The following ZNF629 variants were observed in gnomAD, a reference collection of about 807,000 sequenced individuals.
ZNF629 encodes the protein zinc finger protein 629.
ZNF629 carries 9 observed loss-of-function variants against 59.7 expected under a neutral mutation model. The observed-to-expected ratio is 0.15, with a 90% CI of 0.09 to 0.26. The LOEUF is 0.26. Among genes scored for constraint, ZNF629 ranks in the 10% least tolerant of loss-of-function variants. The probability of loss-of-function intolerance (pLI) is 1.00; values close to 1 mark genes in which losing one functional copy is unlikely to be tolerated. For synonymous variants in ZNF629, 509 were observed against 498.9 expected (o/e 1.02, Z -0.27); for missense variants, 853 against 1,165.4 (o/e 0.73, Z 3.90).
At position 30,782,552 on chromosome 16, in the gene ZNF629, G is replaced by A. The variant is rs2054292776; in HGVS notation, c.1776C>T (p.Ile592=). The A allele has an allele frequency of 1.9e-6, 3 of 1,560,202 alleles. No homozygotes were observed. The highest frequency in any genetic ancestry group is 2.6e-6 in the Non-Finnish European group (3 of 1,151,366). Residue 592 remains isoleucine, a synonymous_variant, in exon 3 of 3, where the codon ATC becomes ATT. Transcript: ENST00000262525. ...CTGCATTTTTGTAGGGGTTTTCTCC[G>A]ATGTGGATCCTCTGATGTTGCATGA... ...GIFMQHQRIH[I]GENPYKNADG...
chr16:30,785,859 A>AAAATAAAT (rs55733443), intron 1 of ZNF629, among the ~76,000 whole-genome samples: 45,677 of 139,944 alleles, frequency 0.33, 8,057 homozygotes, highest in South Asian at 0.57. Context: ...GCCCCCTGGT[A>AAAATAAAT]AAATAAATAA....
rs1463378402 is a variant in ZNF629 at position 30,779,689 on chromosome 16, A to G, written c.*2029T>C. 1.3e-5 allele frequency: 2 copies of G among 152,224 alleles called. No individual in the cohort carries two copies. The highest frequency in any genetic ancestry group is 2.9e-5 in the Non-Finnish European group (2 of 68,034). 9.4% of individuals were successfully genotyped at this position (152,224 alleles called of 1,614,324 possible). Reference sequence around the variant, plus strand: ...GGTCATCCTGCTGGGGCCAGGATAGACAAATGGCGAAGGATTTGCATAAAG... The same window carrying G: ...GGTCATCCTGCTGGGGCCAGGATAGGCAAATGGCGAAGGATTTGCATAAAG... On this transcript the variant is annotated 3_prime_UTR_variant, in exon 3 of 3. Coordinates refer to ENST00000262525, the MANE Select transcript of ZNF629 (RefSeq NM_001080417.3).
In ZNF629 at chr16:30,783,609, T is replaced by G; in HGVS notation, c.719A>C (p.Glu240Ala). 6.2e-7 allele frequency: 1 copy of G among 1,606,154 alleles called. No individual in the cohort carries two copies. The highest frequency in any genetic ancestry group is 8.5e-7 in the Non-Finnish European group (1 of 1,177,212). ...GEKPYKCTEC[E>A]KAFTQSTNLI... is the part of the protein sequence containing the mutation. ...GTTGGTGCTCTGGGTGAAGGCTTTCTCGCACTCCGTGCACTTGTAGGGCTT... is the reference window on the plus strand; with the variant it reads ...GTTGGTGCTCTGGGTGAAGGCTTTCGCGCACTCCGTGCACTTGTAGGGCTT... The change falls in exon 3 of 3, where the codon GAG (glutamate) becomes GCG (alanine). Residue 240 changes from glutamate (E) to alanine (A), a missense_variant. Coordinates refer to ENST00000262525, the MANE Select transcript of ZNF629 (RefSeq NM_001080417.3).
In ZNF629 at chr16:30,782,483, T is replaced by G; in HGVS notation, c.1845A>C (p.Arg615=). 6.4e-7 allele frequency: 1 copy of G among 1,567,278 alleles called. No homozygotes were observed. Among genetic ancestry groups the G allele is most frequent in the South Asian group, 1.2e-5 (1 of 85,430 alleles). ...TCCCTCTGAAAGGGAGCCTTGGGGA[T>G]CGTAACTGAGGAGGTTTGGGGGCTG... ...AHAAPKPPQL[R]SPRLPFRGNS... Residue 615 remains arginine, a synonymous_variant, in exon 3 of 3, where the codon CGA becomes CGC. Transcript: ENST00000262525.
In ZNF629 at chr16:30,783,703, G is replaced by T. The variant is rs200904601; in HGVS notation, c.625C>A (p.Pro209Thr). 7 of 1,609,686 alleles carry T rather than the reference G, an allele frequency of 4.3e-6. No individual in the cohort carries two copies. The East Asian group carries it at 1.6e-4, about 36-fold the overall frequency. The stretch of plus-strand genomic sequence containing the variant: ...CAGCTGAAGCACTTGCCGCAGTCGG[G>T]GCACTTGTAGGGCTTCTCGCCGGTG... ...THTGEKPYKCPDCGKCFSWSS... is the reference protein window; with the variant it reads ...THTGEKPYKCTDCGKCFSWSS... The change falls in exon 3 of 3, where the codon CCC (proline) becomes ACC (threonine). Residue 209 changes from proline to threonine, a missense_variant. By Grantham distance (38) the Pro-to-Thr change is conservative. Transcript: ENST00000262525.
rs1205681666 is a variant in ZNF629 at position 30,783,074 on chromosome 16, G to A, written c.1254C>T (p.Ile418=). ...GKSFSVSSNL[I]NHQRIHRGER... ...CGCCGCGGTGGATGCGCTGGTGGTT[G>A]ATGAGGTTGGAGCTGACGCTGAAGC... is the stretch of plus-strand genomic sequence containing the variant. The change falls in exon 3 of 3, where the codon ATC becomes ATT. Residue 418 remains isoleucine, a synonymous_variant. Coordinates refer to ENST00000262525, the MANE Select transcript of ZNF629 (RefSeq NM_001080417.3). The A allele has an allele frequency of 3.1e-6, 5 of 1,611,954 alleles. No homozygotes were observed. Among genetic ancestry groups the A allele is most frequent in the African/African-American group, 1.3e-5 (1 of 74,158 alleles).
chr16:30,782,946 G>A lies in ZNF629; in HGVS notation c.1382C>T (p.Ser461Phe). 6 of 1,613,686 alleles carry A rather than the reference G, an allele frequency of 3.7e-6. No homozygotes were observed. Among genetic ancestry groups the A allele is most frequent in the Non-Finnish European group, 5.1e-6 (6 of 1,179,926 alleles). Residue 461 changes from serine to phenylalanine, a missense_variant, in exon 3 of 3, where the codon TCC (serine) becomes TTC (phenylalanine). By Grantham distance (155) the Ser-to-Phe change is radical. Around this residue, in one of 3 missense-constraint regions of ZNF629, gnomAD observed 201 missense variants for 536.5 expected, o/e 0.37. Coordinates refer to ENST00000262525, the MANE Select transcript of ZNF629 (RefSeq NM_001080417.3). ...IHTGEKPYKC[S>F]DCGKSFIRSS... ...GCGGATGAAGCTCTTGCCGCAGTCG[G>A]AACACTTGTAGGGCTTCTCACCGGT... is the stretch of plus-strand genomic sequence containing the variant.
rs985199756 is a variant in ZNF629, at chr16:30,780,955, ATTTGT to A, written c.*758_*762del. On this transcript the variant is annotated 3_prime_UTR_variant, in exon 3 of 3. Transcript: ENST00000262525. ...CTTCAGCCTTTAAAAAGGCTTGCCA[ATTTGT>A]TTTTTCTTCCCCATTTTGGGGTTTT... is the stretch of plus-strand genomic sequence containing the variant. 4 of 151,984 alleles carry A rather than the reference ATTTGT, an allele frequency of 2.6e-5. No homozygotes were observed. The highest frequency in any genetic ancestry group is 1.3e-4 in the Admixed American group (2 of 15,272). 9.4% of individuals were successfully genotyped at this position (151,984 alleles called of 1,614,324 possible).
Position 30,781,883 on chromosome 16 carries a change from C to T in ZNF629, c.2445G>A (p.Glu815=), listed in dbSNP as rs2054284417. ...TCTCTGTGGGGGTAGGGGTCTCGCC[C>T]TCACCTTCCTGATCTGTGGACAGGG... The part of the protein sequence containing the change: ...AVTLSTDQEG[E]GETPTPTESS... The change falls in exon 3 of 3, where the codon GAG becomes GAA. Residue 815 remains glutamate, a synonymous_variant. Coordinates refer to ENST00000262525, the MANE Select transcript of ZNF629 (RefSeq NM_001080417.3). The T allele has an allele frequency of 6.4e-7, 1 of 1,560,022 alleles. No individual in the cohort carries two copies. The highest frequency in any genetic ancestry group is 8.7e-7 in the Non-Finnish European group (1 of 1,150,840).
intron 1 of ZNF629, among the ~76,000 whole-genome samples, chr16:30,785,891 T>TAAATAAAA (rs1034349260): frequency 1.3e-5 from 2 of 150,200 alleles, no homozygotes; most frequent in Middle Eastern, 6.8e-3. Flanking sequence ...AATAAATAAA[T>TAAATAAAA]AAAAACAGCC....
At chr16:30,785,960 C>G (rs1433073265) in intron 1 of ZNF629, among the ~76,000 whole-genome samples, 1 of 152,044 alleles carries the variant, frequency 6.6e-6, no homozygotes, top group Admixed American at 6.6e-5. Flanking sequence ...GCCACAGGAA[C>G]AAAGCGCTTG....
chr16:30,781,606 A>C lies in ZNF629; in HGVS notation c.*112T>G, dbSNP rs2054281146. 2 of 1,075,612 alleles carry C rather than the reference A, an allele frequency of 1.9e-6. No individual in the cohort carries two copies. The highest frequency in any genetic ancestry group is 3.3e-5 in the African/African-American group (2 of 59,992). The allele number at this position is 1,075,612 out of a possible 1,614,324, so 66.6% of individuals were successfully genotyped here. On this transcript the variant is annotated 3_prime_UTR_variant, in exon 3 of 3. Coordinates refer to ENST00000262525, the MANE Select transcript of ZNF629 (RefSeq NM_001080417.3). Reference sequence around the variant, plus strand: ...TTTTTCCCAGGGTTCTTTCTCCTCCACTCCACTACCATCTGATAGGGTTAT... The same window carrying C: ...TTTTTCCCAGGGTTCTTTCTCCTCCCCTCCACTACCATCTGATAGGGTTAT...
At chr16:30,785,035 A>G (rs1181968989) in intron 1 of ZNF629, among the ~76,000 whole-genome samples, 1 of 152,120 alleles carries the variant, frequency 6.6e-6, no homozygotes, top group African/African-American at 2.4e-5. Context: ...CAGAGGAGAC[A>G]GAGGCCCTCT....
rs1453412270 is a variant in ZNF629 at position 30,782,446 on chromosome 16, C to T, written c.1882G>A (p.Gly628Arg). 1 of 1,566,426 alleles carries T rather than the reference C, an allele frequency of 6.4e-7. No individual in the cohort carries two copies. Among genetic ancestry groups the T allele is most frequent in the Admixed American group, 1.9e-5 (1 of 52,668 alleles). ...RLPFRGNSYPGAAEGRAEAPG... is the reference protein window; with the variant it reads ...RLPFRGNSYPRAAEGRAEAPG... Reference sequence around the variant, plus strand: ...GCCTCCGCTCTGCCCTCCGCAGCCCCGGGGTAGGAATTCCCTCTGAAAGGG... The same window carrying T: ...GCCTCCGCTCTGCCCTCCGCAGCCCTGGGGTAGGAATTCCCTCTGAAAGGG... The change falls in exon 3 of 3, where the codon GGG (glycine) becomes AGG (arginine). Residue 628 changes from glycine (G) to arginine (R), a missense_variant. Gly to Arg is a moderately radical substitution (Grantham distance 125). This residue lies in a region of ZNF629 where 420 missense variants were observed against 435.6 expected (regional missense o/e 0.96). Transcript: ENST00000262525.
chr16:30,779,455 C>G lies in ZNF629; in HGVS notation c.*2263G>C, dbSNP rs1325593728. On this transcript the variant is annotated 3_prime_UTR_variant, in exon 3 of 3. Coordinates refer to ENST00000262525, the MANE Select transcript of ZNF629 (RefSeq NM_001080417.3). ...CAGACTTCTCATTCTTACAGGGCAC[C>G]CCCTTCGTTGGCGTTCTGTTAGGAA... is the stretch of plus-strand genomic sequence containing the variant. 2 of 152,210 alleles carry G rather than the reference C, an allele frequency of 1.3e-5. No individual in the cohort carries two copies. Among genetic ancestry groups the G allele is most frequent in the Non-Finnish European group, 2.9e-5 (2 of 68,064 alleles). The allele number at this position is 152,210 out of a possible 1,614,324, so 9.4% of individuals were successfully genotyped here.
rs1316778581 is a variant in ZNF629 at position 30,782,274 on chromosome 16, C to T, written c.2054G>A (p.Gly685Asp). The T allele has an allele frequency of 1.2e-6, 2 of 1,612,716 alleles. No individual in the cohort carries two copies. The highest frequency in any genetic ancestry group is 2.7e-5 in the African/African-American group (2 of 74,908). Residue 685 changes from glycine to aspartate, a missense_variant, in exon 3 of 3, where the codon GGC becomes GAC. Gly to Asp is a moderately conservative substitution (Grantham distance 94). Coordinates refer to ENST00000262525, the MANE Select transcript of ZNF629 (RefSeq NM_001080417.3). ...AGGAAAGAGAAAGGGCTTTTCGTTG[C>T]CGTGGGTGAGCTGATGCTGGAGGAG... ...SVLLQHQLTH[G>D]NEKPFLFPDY...
chr16:30,783,531 T>G lies in ZNF629; in HGVS notation c.797A>C (p.Glu266Ala). 1 of 1,613,906 alleles carries G rather than the reference T, an allele frequency of 6.2e-7. No individual in the cohort carries two copies. The highest frequency in any genetic ancestry group is 1.3e-5 in the African/African-American group (1 of 74,978). The change falls in exon 3 of 3, where the codon GAG becomes GCG. Residue 266 changes from glutamate to alanine, a missense_variant. By Grantham distance (107) the Glu-to-Ala change is moderately radical. Coordinates refer to ENST00000262525, the MANE Select transcript of ZNF629 (RefSeq NM_001080417.3). Reference sequence around the variant, plus strand: ...GCTGCGGTAGAAAGCCCGGCGGCACTCGCCGCACTTGTAGGGCTTCTCGCC... The same window carrying G: ...GCTGCGGTAGAAAGCCCGGCGGCACGCGCCGCACTTGTAGGGCTTCTCGCC... ...HTGEKPYKCG[E>A]CRRAFYRSSD...
chr16:30,786,442 T>G lies in ZNF629; in HGVS notation c.-34+586A>C, dbSNP rs547997647. Among the ~76,000 whole-genome samples the G allele has an allele frequency of 5.9e-5, 9 of 152,088 alleles. No individual in the cohort carries two copies. The South Asian group carries it at 1.9e-3, about 32-fold the overall frequency. ...ACAGGGCCGACACAGAGCATGGACG[T>G]GGGAAGACCGAGGGAGGCCGAGGCG... On this transcript the variant is annotated intron_variant, in intron 1 of 2. Coordinates refer to ENST00000262525, the MANE Select transcript of ZNF629 (RefSeq NM_001080417.3). The surrounding 1 kb of genome is among the most constrained non-coding windows in gnomAD (Gnocchi z 4.8).
Position 30,783,700 on chromosome 16 carries a change from C to T in ZNF629, c.628G>A (p.Asp210Asn). The T allele has an allele frequency of 3.1e-6, 5 of 1,613,758 alleles. No individual in the cohort carries two copies. The highest frequency in any genetic ancestry group is 1.3e-5 in the African/African-American group (1 of 75,024). Residue 210 changes from aspartate (D) to asparagine (N), a missense_variant, in exon 3 of 3, where the codon GAC becomes AAC. By Grantham distance (23) the Asp-to-Asn change is conservative. Coordinates refer to ENST00000262525, the MANE Select transcript of ZNF629 (RefSeq NM_001080417.3). ...HTGEKPYKCP[D>N]CGKCFSWSSN... Reference sequence around the variant, plus strand: ...CTCCAGCTGAAGCACTTGCCGCAGTCGGGGCACTTGTAGGGCTTCTCGCCG... The same window carrying T: ...CTCCAGCTGAAGCACTTGCCGCAGTTGGGGCACTTGTAGGGCTTCTCGCCG...
Sources: gnomAD v4.1 joint callset for allele counts (sites outside exome capture counted in the v4.1 genomes callset) on GRCh38, gnomAD v4.1.1 for gene constraint, gnomAD v4.1.1 regional missense constraint, Gnocchi (gnomAD v3.1) non-coding constraint, MANE v1.5 for transcripts, NCBI Gene and HGNC (gene_info 2026-07-23, HGNC 2026-07-21) for gene names.